GPC5: variants seen among roughly 807,000 people sequenced by gnomAD.
GPC5 encodes glypican 5, also known as glypican-5.
In GPC5, 47 loss-of-function variants were observed where a neutral mutation model predicts 53.9. The ratio of observed to expected loss-of-function variants is 0.87; its 90% CI spans 0.69 to 1.11. GPC5 has a LOEUF of 1.11. GPC5 is among the 50% of genes most tolerant of loss of function. The pLI is 0.00. For missense variants in GPC5, 748 were observed against 713.1 expected (o/e 1.05, Z -0.56); for synonymous variants, 286 against 263.3 (o/e 1.09, Z -0.84).
chr13:92,861,852 C>G (rs1030023280), intron 7 of GPC5, among the ~76,000 whole-genome samples: 1 of 152,138 alleles, frequency 6.6e-6, no homozygotes, highest in African/African-American at 2.4e-5. Context: ...TTTGGTCCCA[C>G]AGACATTTAC....
chr13:92,805,330 A>G (rs1351976834), intron 7 of GPC5, among the ~76,000 whole-genome samples: 1 of 152,098 alleles, frequency 6.6e-6, no homozygotes. Flanking sequence ...AGGCTGCAGA[A>G]TGGATATTGC....
intron 2 of GPC5, among the ~76,000 whole-genome samples, chr13:91,528,759 G>GT (rs1886201323): frequency 6.6e-6 from 1 of 152,182 alleles, no homozygotes; most frequent in Non-Finnish European, 1.5e-5. Flanking sequence ...AGTTCCACAT[G>GT]GCTTGGGAGG....
intron 7 of GPC5, among the ~76,000 whole-genome samples, chr13:92,614,349 A>T (rs11842507): frequency 0.028 from 4,284 of 152,274 alleles, 209 homozygotes; most frequent in African/African-American, 0.098. Context: ...CTGTTGTAAA[A>T]CAAAAATATC....
intron 7 of GPC5, among the ~76,000 whole-genome samples, chr13:92,273,720 C>T (rs61966604): frequency 2.0e-5 from 3 of 152,084 alleles, no homozygotes; most frequent in African/African-American, 2.4e-5. Flanking sequence ...GAAGCTCAAA[C>T]GTCTACTCTG....
At chr13:92,130,439 A>AAC (rs551899663) in intron 6 of GPC5, among the ~76,000 whole-genome samples, 28 of 151,556 alleles carry the variant, frequency 1.8e-4, no homozygotes, top group Non-Finnish European at 3.8e-4. Flanking sequence ...ACATTTTACA[A>AAC]ACACACACAC....
intron 6 of GPC5, among the ~76,000 whole-genome samples, chr13:92,007,701 T>C (rs2040619668): frequency 6.6e-6 from 1 of 152,160 alleles, no homozygotes; most frequent in Admixed American, 6.5e-5. Flanking sequence ...TAATTATTAA[T>C]ATAGTTTGAT....
At chr13:92,005,723 A>G (rs1280307584) in intron 6 of GPC5, among the ~76,000 whole-genome samples, 1 of 152,222 alleles carries the variant, frequency 6.6e-6, no homozygotes, top group Non-Finnish European at 1.5e-5. Context: ...TGCACCCAGG[A>G]CAGTTCCTAG....
At chr13:91,488,362 G>T (rs1354810955) in intron 2 of GPC5, among the ~76,000 whole-genome samples, 1 of 152,180 alleles carries the variant, frequency 6.6e-6, no homozygotes, top group Non-Finnish European at 1.5e-5. Context: ...GAGATTAGAA[G>T]AGTGAAGTGA....
intron 7 of GPC5, among the ~76,000 whole-genome samples, chr13:92,281,271 C>T (rs1380180742): frequency 2.0e-5 from 3 of 152,188 alleles, no homozygotes; most frequent in Admixed American, 2.0e-4. Flanking sequence ...GGGTGGAGCC[C>T]ACCACAGCTC....
chr13:92,174,324 A>T (rs2042092398), intron 7 of GPC5, among the ~76,000 whole-genome samples: 1 of 150,412 alleles, frequency 6.6e-6, no homozygotes, highest in Non-Finnish European at 1.5e-5. Flanking sequence ...AATTGAGACC[A>T]TCCTGGCTAA....
In GPC5 at chr13:91,412,466, T is replaced by C. The variant is rs7331615; in HGVS notation, c.163+13257T>C. Among the ~76,000 whole-genome samples the C allele has an allele frequency of 8.5e-3, 1,299 of 152,326 alleles. 13 individuals are homozygous for C. The highest frequency in any genetic ancestry group is 0.03 in the African/African-American group (1,243 of 41,560). On this transcript the variant is annotated intron_variant, in intron 1 of 7. Transcript: ENST00000377067. The stretch of plus-strand genomic sequence containing the variant: ...CACAGTGAAATGGAGCCCTGTGACA[T>C]TGCATCTGTAATGCACAGCAATCAA...
intron 7 of GPC5, among the ~76,000 whole-genome samples, chr13:92,472,844 C>T (rs541410715): frequency 1.9e-4 from 29 of 152,160 alleles, no homozygotes; most frequent in African/African-American, 6.7e-4. Flanking sequence ...ATAATTGTGA[C>T]TCTGAAGAGT....
At chr13:92,043,339 A>C (rs1457367623) in intron 6 of GPC5, among the ~76,000 whole-genome samples, 2 of 152,162 alleles carry the variant, frequency 1.3e-5, no homozygotes, top group Non-Finnish European at 2.9e-5. Flanking sequence ...ACATGGTTCC[A>C]GTTATGGGAT....
At chr13:92,148,502 CAAAG>C (rs1246180034) in intron 7 of GPC5, among the ~76,000 whole-genome samples, 1 of 152,046 alleles carries the variant, frequency 6.6e-6, no homozygotes, top group Non-Finnish European at 1.5e-5. Flanking sequence ...TAATGTTTCT[CAAAG>C]AAAGAAGCCA....
chr13:91,491,942 A>G (rs1323383952), intron 2 of GPC5, among the ~76,000 whole-genome samples: 1 of 152,210 alleles, frequency 6.6e-6, no homozygotes, highest in Non-Finnish European at 1.5e-5. Flanking sequence ...ACCACTGTTC[A>G]GCTCACTACA....
At chr13:92,608,554 A>G (rs1884331484) in intron 7 of GPC5, among the ~76,000 whole-genome samples, 1 of 152,190 alleles carries the variant, frequency 6.6e-6, no homozygotes, top group Non-Finnish European at 1.5e-5. Flanking sequence ...AAAATTTGTA[A>G]TATAAATGCA....
At chr13:92,788,020 T>G (rs1876321266) in intron 7 of GPC5, among the ~76,000 whole-genome samples, 1 of 152,000 alleles carries the variant, frequency 6.6e-6, no homozygotes, top group Non-Finnish European at 1.5e-5. Context: ...GAGAATGACA[T>G]GGGGTTTCAG....
At chr13:92,234,257 T>C (rs935066495) in intron 7 of GPC5, among the ~76,000 whole-genome samples, 7 of 152,198 alleles carry the variant, frequency 4.6e-5, no homozygotes, top group African/African-American at 1.7e-4. Context: ...ATGGTTGAAC[T>C]AGTTTACAGT....
chr13:91,750,024 G>A (rs2037136431), intron 4 of GPC5, among the ~76,000 whole-genome samples: 1 of 152,158 alleles, frequency 6.6e-6, no homozygotes, highest in Non-Finnish European at 1.5e-5. Flanking sequence ...TGGCCAGGCT[G>A]ATCTCAAACT....
Sources: gnomAD v4.1 joint callset for allele counts (sites outside exome capture counted in the v4.1 genomes callset) on GRCh38, gnomAD v4.1.1 for gene constraint, MANE v1.5 for transcripts, NCBI Gene and HGNC (gene_info 2026-07-23, HGNC 2026-07-21) for gene names.